Variants in MEF2C observed in about 807,000 individuals in gnomAD.
MEF2C encodes the protein myocyte-specific enhancer factor 2C.
Under a neutral mutation model 50.5 loss-of-function variants are expected in MEF2C, and 6 were observed. The observed-to-expected ratio is 0.12, with a 90% CI of 0.07 to 0.23. The LOEUF (loss-of-function observed/expected upper bound fraction) is 0.23, where lower values mean the gene tolerates loss of function less well. Ranked by LOEUF, MEF2C falls within the 10% of genes least tolerant of loss-of-function variation. The pLI is 1.00. For missense variants in MEF2C, 276 were observed against 605.0 expected (o/e 0.46, Z 5.70); for synonymous variants, 183 against 228.0 (o/e 0.80, Z 1.78).
chr5:88,865,498 C>T (rs892185136), intron 1 of MEF2C, among the ~76,000 whole-genome samples: 2 of 152,104 alleles, frequency 1.3e-5, no homozygotes, highest in Non-Finnish European at 2.9e-5. Context: ...TAGAATTAGC[C>T]AACAGCTATA....
At chr5:88,843,997 A>G (rs773631322) in intron 1 of MEF2C, among the ~76,000 whole-genome samples, 121 of 152,090 alleles carry the variant, frequency 8.0e-4, no homozygotes, top group Non-Finnish European at 1.1e-3. Flanking sequence ...TTTTTAGTAG[A>G]GACGGGGTTT....
intron 1 of MEF2C, among the ~76,000 whole-genome samples, chr5:88,832,267 A>G (rs1581341109): frequency 1.3e-5 from 2 of 152,272 alleles, no homozygotes; most frequent in East Asian, 3.9e-4. Context: ...AACATAAATC[A>G]ATAATAACTT....
chr5:88,839,321 ATCTCTCTCTC>A (rs71613097), intron 1 of MEF2C: 4 of 141,928 alleles, frequency 2.8e-5, no homozygotes, highest in East Asian at 4.1e-4. Flanking sequence ...ACGCCACATT[ATCTCTCTCTC>A]TCTCTCTCTC....
intron 6 of MEF2C, among the ~76,000 whole-genome samples, chr5:88,744,932 C>T (rs1208203561): frequency 6.6e-6 from 1 of 152,166 alleles, no homozygotes; most frequent in Non-Finnish European, 1.5e-5. Flanking sequence ...TGAAACTTTG[C>T]TTTATTGGCC....
In MEF2C at chr5:88,840,039, A is replaced by T. The variant is rs141782511; in HGVS notation, c.-142-16109T>A. Among the ~76,000 whole-genome samples the T allele has an allele frequency of 9.0e-4, 137 of 152,336 alleles. 2 individuals carry two copies. Among genetic ancestry groups the T allele is most frequent in the African/African-American group, 3.0e-3 (125 of 41,580 alleles). On this transcript the variant is annotated intron_variant, in intron 1 of 10. Coordinates refer to ENST00000504921, the MANE Select transcript of MEF2C (RefSeq NM_002397.5). ...TAAGGTAAGAGTAGAAACACCGGAT[A>T]TTAATATTGGCAAGAGTTATGCAAG...
intron 6 of MEF2C, chr5:88,739,917 C>A: frequency 1.0e-6 from 1 of 985,228 alleles, no homozygotes; most frequent in Non-Finnish European, 1.2e-6. Flanking sequence ...GATTCTTACA[C>A]ACAAAATAAA....
At chr5:88,753,144 TTC>T (rs567509791) in intron 4 of MEF2C, among the ~76,000 whole-genome samples, 2 of 152,206 alleles carry the variant, frequency 1.3e-5, no homozygotes, top group Non-Finnish European at 2.9e-5. Flanking sequence ...GACATCCACT[TTC>T]TGTTACTGTT....
At chr5:88,731,600 T>C in intron 7 of MEF2C, 129 bp downstream of exon 7, 1 of 834,572 alleles carries the variant, frequency 1.2e-6, no homozygotes. Context: ...AGCAAGGCTC[T>C]GTCAATGGCA....
intron 3 of MEF2C, among the ~76,000 whole-genome samples, chr5:88,769,468 T>C (rs1023189973): frequency 6.6e-6 from 1 of 152,184 alleles, no homozygotes; most frequent in African/African-American, 2.4e-5. Flanking sequence ...CATCATGAGT[T>C]GGCCTAGAAT....
intron 2 of MEF2C, among the ~76,000 whole-genome samples, chr5:88,821,765 C>T (rs1390505608): frequency 6.6e-6 from 1 of 151,398 alleles, no homozygotes; most frequent in Non-Finnish European, 1.5e-5. Flanking sequence ...GGAAGGGTAG[C>T]TGGGCATGGA....
chr5:88,871,252 T>C (rs1195562499), intron 1 of MEF2C, among the ~76,000 whole-genome samples: 1 of 151,962 alleles, frequency 6.6e-6, no homozygotes, highest in Non-Finnish European at 1.5e-5. Flanking sequence ...ATCATAACCC[T>C]GGAAAGGGCT....
chr5:88,739,030 G>T, intron 6 of MEF2C: 1 of 981,228 alleles, frequency 1.0e-6, no homozygotes, highest in Non-Finnish European at 1.2e-6. Flanking sequence ...CTTCTCCCCT[G>T]TAATATACTT....
intron 1 of MEF2C, among the ~76,000 whole-genome samples, chr5:88,901,983 T>G: frequency 6.6e-6 from 1 of 151,874 alleles, no homozygotes; most frequent in African/African-American, 2.4e-5. Flanking sequence ...TTTGGTTTGC[T>G]TATACTTAAT....
At chr5:88,726,317 G>A (rs1017115873) in intron 10 of MEF2C, among the ~76,000 whole-genome samples, 1 of 152,160 alleles carries the variant, frequency 6.6e-6, no homozygotes, top group South Asian at 2.1e-4. Context: ...CCTGGAAAAT[G>A]TATCAATTCT....
At chr5:88,848,491 A>G (rs1820107231) in intron 1 of MEF2C, among the ~76,000 whole-genome samples, 1 of 152,162 alleles carries the variant, frequency 6.6e-6, no homozygotes, top group Non-Finnish European at 1.5e-5. Flanking sequence ...TAAGTGCTTT[A>G]TGCATATTAT....
At chr5:88,854,827 T>G (rs1822682271) in intron 1 of MEF2C, among the ~76,000 whole-genome samples, 1 of 152,232 alleles carries the variant, frequency 6.6e-6, no homozygotes, top group Non-Finnish European at 1.5e-5. Flanking sequence ...TCATGTTTAC[T>G]GAAGTCACAA....
At chr5:88,813,551 A>C (rs1193235923) in intron 2 of MEF2C, among the ~76,000 whole-genome samples, 1 of 152,066 alleles carries the variant, frequency 6.6e-6, no homozygotes, top group Admixed American at 6.6e-5. Context: ...TGCAGGAAAG[A>C]GTTCTGAAAG....
intron 3 of MEF2C, among the ~76,000 whole-genome samples, chr5:88,781,623 C>T (rs1053347031): frequency 6.6e-6 from 1 of 152,104 alleles, no homozygotes; most frequent in Admixed American, 6.5e-5. Context: ...GGAGAGTTTT[C>T]ATATTTGGCA....
chr5:88,718,925 CCATAAAAGTGACGA>C lies in MEF2C; in HGVS notation c.*3665_*3678del, dbSNP rs2151990251. 1 of 152,252 alleles carries C rather than the reference CCATAAAAGTGACGA, an allele frequency of 6.6e-6. No homozygotes were observed. The highest frequency in any genetic ancestry group is 2.1e-4 in the South Asian group (1 of 4,822). The allele number at this position is 152,252 out of a possible 1,614,324, so 9.4% of individuals were successfully genotyped here. A position where few individuals can be genotyped will look rare whatever the true frequency, so the allele number is the denominator to read the frequency against. On this transcript the variant is annotated 3_prime_UTR_variant, in exon 11 of 11. Transcript: ENST00000504921. ...GATCTGTAGTGGCAGGAAATTAACG[CCATAAAAGTGACGA>C]CATCACGGCAGATGGCACAAATGAG...
Sources: gnomAD v4.1 joint callset for allele counts (sites outside exome capture counted in the v4.1 genomes callset) on GRCh38, gnomAD v4.1.1 for gene constraint, MANE v1.5 for transcripts, NCBI Gene and HGNC (gene_info 2026-07-23, HGNC 2026-07-21) for gene names.